ENTPD3: variants seen among roughly 807,000 people sequenced by gnomAD.
The protein encoded by ENTPD3 is CD39 antigen-like 3.
A neutral mutation model predicts 51.2 loss-of-function variants in ENTPD3; 60 were observed. That is an observed-to-expected ratio of 1.17 (90% CI 0.95 to 1.45). The LOEUF (loss-of-function observed/expected upper bound fraction) is 1.45, where lower values mean the gene tolerates loss of function less well. Ranked by LOEUF, ENTPD3 falls within the 40% of genes most tolerant of loss-of-function variation. ENTPD3 has a pLI of 0.00. For missense variants in ENTPD3, 593 were observed against 641.1 expected (o/e 0.93, Z 0.81); for synonymous variants, 221 against 238.4 (o/e 0.93, Z 0.67).
intron 3 of ENTPD3, among the ~76,000 whole-genome samples, chr3:40,397,602 T>C (rs927405350): frequency 6.6e-6 from 1 of 152,190 alleles, no homozygotes; most frequent in South Asian, 2.1e-4. Flanking sequence ...TTATTACTAC[T>C]ACTATTTATT....
chr3:40,401,080 T>G, intron 4 of ENTPD3, 69 bp downstream of exon 4: 1 of 1,172,420 alleles, frequency 8.5e-7, no homozygotes, highest in Non-Finnish European at 1.3e-6. Context: ...TTTGGAGGCC[T>G]GGAGAGGTCC....
chr3:40,428,442 A>G lies in ENTPD3; in HGVS notation c.*934A>G, dbSNP rs1321129301. The stretch of plus-strand genomic sequence containing the variant: ...TTTCCCAGATCATAGACCTCTCTGC[A>G]TAGTAGTCATAGGTCTTGACTTTGG... On this transcript the variant is annotated 3_prime_UTR_variant, in exon 11 of 11. Transcript: ENST00000301825. 2 of 152,216 alleles carry G rather than the reference A, an allele frequency of 1.3e-5. No homozygotes were observed. Among genetic ancestry groups the G allele is most frequent in the Admixed American group, 6.5e-5 (1 of 15,286 alleles). 9.4% of individuals were successfully genotyped at this position (152,216 alleles called of 1,614,324 possible). A position where few individuals can be genotyped will look rare whatever the true frequency, so the allele number is the denominator to read the frequency against.
chr3:40,396,385 AC>A (rs144378257), intron 3 of ENTPD3, among the ~76,000 whole-genome samples: 4,629 of 152,174 alleles, frequency 0.03, 89 homozygotes, highest in Middle Eastern at 0.071. Context: ...ATTTTTTTAT[AC>A]CATGAGCCCT....
chr3:40,402,689 T>C (rs1955393656), intron 4 of ENTPD3, among the ~76,000 whole-genome samples: 1 of 152,194 alleles, frequency 6.6e-6, no homozygotes, highest in Admixed American at 6.5e-5. Flanking sequence ...CTTTGCGATG[T>C]GTCTTGATGA....
intron 10 of ENTPD3, 85 bp from the exon 11 acceptor site, chr3:40,427,187 T>A (rs1956001531): frequency 9.1e-7 from 1 of 1,102,272 alleles, no homozygotes; most frequent in East Asian, 2.4e-5. Flanking sequence ...GGGAGCTTTG[T>A]GAGGTTGATA....
intron 6 of ENTPD3, 80 bp downstream of exon 6, chr3:40,414,920 T>C: frequency 2.1e-6 from 3 of 1,439,012 alleles, no homozygotes; most frequent in Non-Finnish European, 2.9e-6. Flanking sequence ...TAGAGGTACA[T>C]GCCATCAGGG....
rs763411270 is a variant in ENTPD3, at chr3:40,414,730, TA to T, written c.488del (p.Tyr163SerfsTer31). 2 of 1,613,968 alleles carry T rather than the reference TA, an allele frequency of 1.2e-6. No individual in the cohort carries two copies. Among genetic ancestry groups the T allele is most frequent in the Non-Finnish European group, 1.7e-6 (2 of 1,179,976 alleles). On this transcript the variant is annotated frameshift_variant, in exon 6 of 11. Coordinates refer to ENST00000301825, the MANE Select transcript of ENTPD3 (RefSeq NM_001248.4). LOFTEE classifies it high-confidence loss of function. ...TGAAGTCCTTGAAAGCATCCAAAGCTACTTCAAGTCCCAGCCCTTTGACTTT... is the reference window on the plus strand; with the variant it reads ...TGAAGTCCTTGAAAGCATCCAAAGCTCTTCAAGTCCCAGCCCTTTGACTTT... ...ANEVLESIQS[Y>X]FKSQPFDFRG...
chr3:40,408,430 T>C (rs1279963580), intron 4 of ENTPD3, among the ~76,000 whole-genome samples: 19 of 152,192 alleles, frequency 1.2e-4, no homozygotes, highest in Admixed American at 1.2e-3. Context: ...GAAAATAAGA[T>C]GGGCTGTGTA....
At chr3:40,415,559 G>A (rs1320742755) in intron 6 of ENTPD3, among the ~76,000 whole-genome samples, 5 of 152,158 alleles carry the variant, frequency 3.3e-5, no homozygotes, top group Non-Finnish European at 4.4e-5. Context: ...CACGGTAACA[G>A]GAACAGAGTG....
chr3:40,393,802 T>C (rs987264837), intron 3 of ENTPD3, among the ~76,000 whole-genome samples: 1 of 152,018 alleles, frequency 6.6e-6, no homozygotes, highest in African/African-American at 2.4e-5. Flanking sequence ...ATTGGGACTT[T>C]GGGAGGCCGA....
At chr3:40,402,117 T>TTTTC (rs1457979619) in intron 4 of ENTPD3, among the ~76,000 whole-genome samples, 4 of 58,622 alleles carry the variant, frequency 6.8e-5, no homozygotes, top group African/African-American at 5.1e-4. Flanking sequence ...TTTCCTTTTT[T>TTTTC]TTTTTCTTTT....
Position 40,422,936 on chromosome 3 carries a change from C to A in ENTPD3, c.918C>A (p.Ser306Arg), listed in dbSNP as rs180971975. The A allele has an allele frequency of 3.3e-5, 54 of 1,614,062 alleles. No homozygotes were observed. In the East Asian group the frequency reaches 1.2e-3, roughly 35 times the overall value. Residue 306 changes from serine (S) to arginine (R), a missense_variant, in exon 8 of 11, where the codon AGC becomes AGA. Physicochemically the swap from Ser to Arg is moderately radical, Grantham distance 110. Coordinates refer to ENST00000301825, the MANE Select transcript of ENTPD3 (RefSeq NM_001248.4). ...TCACCATGGGCCATGTATTTGATAGCCTGTGCACTGTGGACCAGAGGCCAG... is the reference window on the plus strand; with the variant it reads ...TCACCATGGGCCATGTATTTGATAGACTGTGCACTGTGGACCAGAGGCCAG... ...ISFTMGHVFD[S>R]LCTVDQRPES... is the part of the protein sequence containing the mutation.
chr3:40,406,546 G>C (rs1388774070), intron 4 of ENTPD3, among the ~76,000 whole-genome samples: 1 of 152,198 alleles, frequency 6.6e-6, no homozygotes, highest in East Asian at 1.9e-4. Flanking sequence ...TTGGAAGCAA[G>C]GACACCAGTT....
At chr3:40,408,114 G>T (rs1199268693) in intron 4 of ENTPD3, among the ~76,000 whole-genome samples, 1 of 152,000 alleles carries the variant, frequency 6.6e-6, no homozygotes. Context: ...GATAAAAGGG[G>T]GGCAGGAAAA....
chr3:40,411,120 G>A (rs902246026), intron 4 of ENTPD3, among the ~76,000 whole-genome samples: 18 of 151,830 alleles, frequency 1.2e-4, no homozygotes, highest in Admixed American at 7.9e-4. Flanking sequence ...GTGAAACCGT[G>A]TCTCTATAAA....
At chr3:40,387,716 A>C (rs534101652) in intron 1 of ENTPD3, among the ~76,000 whole-genome samples, 1 of 152,164 alleles carries the variant, frequency 6.6e-6, no homozygotes, top group Non-Finnish European at 1.5e-5. Flanking sequence ...CAGCTTTGTG[A>C]ATGTTAATAA....
At chr3:40,400,373 T>C (rs1955322564) in intron 3 of ENTPD3, among the ~76,000 whole-genome samples, 1 of 152,162 alleles carries the variant, frequency 6.6e-6, no homozygotes, top group South Asian at 2.1e-4. Flanking sequence ...CTGATAAGCC[T>C]AGAAGTTTGG....
chr3:40,411,702 C>A, intron 4 of ENTPD3, 110 bp from the exon 5 acceptor site: 6 of 1,173,048 alleles, frequency 5.1e-6, no homozygotes, highest in Non-Finnish European at 7.0e-6. Flanking sequence ...GTTTTCGACC[C>A]CCTACCAAAC....
intron 7 of ENTPD3, among the ~76,000 whole-genome samples, chr3:40,419,359 A>G (rs1955814036): frequency 7.1e-6 from 1 of 139,978 alleles, no homozygotes; most frequent in Non-Finnish European, 1.6e-5. Flanking sequence ...CAGGAATTCC[A>G]AAACATTCTA....
Sources: allele counts gnomAD v4.1 joint callset (sites outside exome capture counted in the v4.1 genomes callset), GRCh38; gene constraint gnomAD v4.1.1; transcripts MANE v1.5; gene names NCBI Gene and HGNC (gene_info 2026-07-23, HGNC 2026-07-21).